FGFBP3: variants seen among roughly 807,000 people sequenced by gnomAD.
FGFBP3 encodes the protein fibroblast growth factor binding protein 3, also known as fibroblast growth factor-binding protein 3.
A neutral mutation model predicts 4.8 loss-of-function variants in FGFBP3; 4 were observed. That is an observed-to-expected ratio of 0.83 (90% CI 0.41 to 1.90). FGFBP3 has a LOEUF of 1.90. Among genes scored for constraint, FGFBP3 ranks in the 40% most tolerant of loss-of-function variants. The pLI is 0.03. For synonymous variants in FGFBP3, 215 were observed against 190.0 expected, an observed-to-expected ratio of 1.13 and a Z score of -1.08; for missense variants, 429 against 397.4, an observed-to-expected ratio of 1.08 and a Z score of -0.68.
rs1843300416 is a variant in FGFBP3, at chr10:91,906,617, GA to G, written c.*1575del. Reference sequence around the variant, plus strand: ...CACACACACATTTATATATATAATGGAAAAACATATATATAGTTGCCCCTCC... The same window carrying G: ...CACACACACATTTATATATATAATGGAAAACATATATATAGTTGCCCCTCC... On this transcript the variant is annotated 3_prime_UTR_variant, in exon 2 of 2. Coordinates refer to ENST00000311575, the MANE Select transcript of FGFBP3 (RefSeq NM_152429.5). The G allele has an allele frequency of 6.6e-6, 1 of 152,048 alleles. No individual in the cohort carries two copies. The highest frequency in any genetic ancestry group is 2.1e-4 in the South Asian group (1 of 4,812). 9.4% of individuals were successfully genotyped at this position (152,048 alleles called of 1,614,324 possible). A position where few individuals can be genotyped will look rare whatever the true frequency, so the allele number is the denominator to read the frequency against.
Position 91,908,781 on chromosome 10 carries a change from G to A in FGFBP3, c.189C>T (p.Leu63=). 7.0e-7 allele frequency: 1 copy of A among 1,422,620 alleles called. No individual in the cohort carries two copies. Among genetic ancestry groups the A allele is most frequent in the Non-Finnish European group, 9.1e-7 (1 of 1,099,276 alleles). The allele number at this position is 1,422,620 out of a possible 1,614,324, so 88.1% of individuals were successfully genotyped here. ...SPEQHACSWQ[L]LLPAPEAAAG... ...CTGCGGCCTCCGGGGCGGGCAGCAG[G>A]AGCTGCCAGCTGCACGCGTGCTGCT... is the stretch of plus-strand genomic sequence containing the variant. The change falls in exon 2 of 2, where the codon CTC becomes CTT. Residue 63 remains leucine (L), a synonymous_variant. Coordinates refer to ENST00000311575, the MANE Select transcript of FGFBP3 (RefSeq NM_152429.5).
rs777058494 is a variant in FGFBP3 at position 91,908,247 on chromosome 10, G to T, written c.723C>A (p.Cys241Ter). The stretch of plus-strand genomic sequence containing the variant: ...TGCAGAGGGAGTGCCACTTCTCAGC[G>T]CAGTAGGTCTCCGTGAGCTCCGCGT... ...DGNAELTETYCAEKWHSLCNF... is the reference protein window; with the variant it reads ...DGNAELTETY Residue 241 changes from cysteine to a stop codon, truncating the protein, a stop_gained, in exon 2 of 2, where the codon TGC (cysteine) becomes TGA (stop). Transcript: ENST00000311575. LOFTEE classifies it high-confidence loss of function. 1.2e-5 allele frequency: 20 copies of T among 1,606,506 alleles called. No homozygotes were observed. The highest frequency in any genetic ancestry group is 2.2e-5 in the South Asian group (2 of 89,826).
rs1254354635 is a variant in FGFBP3 at position 91,908,430 on chromosome 10, C to A, written c.540G>T (p.Ala180=). ...ARNRGRTRER[A]SGPAAGTPPP... is the part of the protein sequence containing the mutation. Reference sequence around the variant, plus strand: ...GCGGGGTCCCAGCGGCTGGGCCGGACGCACGCTCCCGGGTCCGCCCCCGGT... The same window carrying A: ...GCGGGGTCCCAGCGGCTGGGCCGGAAGCACGCTCCCGGGTCCGCCCCCGGT... Residue 180 remains alanine (A), a synonymous_variant, in exon 2 of 2, where the codon GCG becomes GCT. Coordinates refer to ENST00000311575, the MANE Select transcript of FGFBP3 (RefSeq NM_152429.5). 4 of 1,503,040 alleles carry A rather than the reference C, an allele frequency of 2.7e-6. No individual in the cohort carries two copies. The highest frequency in any genetic ancestry group is 3.5e-6 in the Non-Finnish European group (4 of 1,132,624). The allele number at this position is 1,503,040 out of a possible 1,614,324, so 93.1% of individuals were successfully genotyped here.
Position 91,908,688 on chromosome 10 carries a change from C to T in FGFBP3, c.282G>A (p.Gly94=), listed in dbSNP as rs765511010. 7.0e-6 allele frequency: 10 copies of T among 1,420,060 alleles called. No individual in the cohort carries two copies. Among genetic ancestry groups the T allele is most frequent in the African/African-American group, 1.5e-5 (1 of 66,854 alleles). The allele number at this position is 1,420,060 out of a possible 1,614,324, so 88.0% of individuals were successfully genotyped here. Residue 94 remains glycine (G), a synonymous_variant, in exon 2 of 2, where the codon GGG becomes GGA. Transcript: ENST00000311575. ...DGARHQCAYR[G]HPERCAAYAA... ...CGTAGGCTGCGCAGCGCTCCGGATG[C>T]CCGCGGTAGGCGCACTGGTGGCGCG...
Position 91,907,350 on chromosome 10 carries a change from T to TAAAATAAAAAAAAA in FGFBP3, c.*842_*843insTTTTTTTTTATTTT, listed in dbSNP as rs1417320462. On this transcript the variant is annotated 3_prime_UTR_variant, in exon 2 of 2. Coordinates refer to ENST00000311575, the MANE Select transcript of FGFBP3 (RefSeq NM_152429.5). The stretch of plus-strand genomic sequence containing the variant: ...CAAGACCCTGTCTCAAAAATAAAAA[T>TAAAATAAAAAAAAA]AAAGTAGCACTTCTAAGCCAAGTGC... The TAAAATAAAAAAAAA allele has an allele frequency of 6.6e-6, 1 of 151,950 alleles. No individual in the cohort carries two copies. The highest frequency in any genetic ancestry group is 1.5e-5 in the Non-Finnish European group (1 of 67,996). The allele number at this position is 151,950 out of a possible 1,614,324, so 9.4% of individuals were successfully genotyped here. A position where few individuals can be genotyped will look rare whatever the true frequency, so the allele number is the denominator to read the frequency against.
chr10:91,908,682 C>CGGATGCCCGCGGTAGGCGCACT lies in FGFBP3; in HGVS notation c.266_287dup (p.Glu97ValfsTer154), dbSNP rs1843321733. 1.4e-6 allele frequency: 2 copies of CGGATGCCCGCGGTAGGCGCACT among 1,422,574 alleles called. No individual in the cohort carries two copies. Among genetic ancestry groups the CGGATGCCCGCGGTAGGCGCACT allele is most frequent in the South Asian group, 2.9e-5 (2 of 69,056 alleles). The allele number at this position is 1,422,574 out of a possible 1,614,324, so 88.1% of individuals were successfully genotyped here. ...GAGCGGCGTAGGCTGCGCAGCGCTC[C>CGGATGCCCGCGGTAGGCGCACT]GGATGCCCGCGGTAGGCGCACTGGT... On this transcript the variant is annotated frameshift_variant, in exon 2 of 2. Transcript: ENST00000311575. LOFTEE classifies it low-confidence loss of function (END_TRUNC).
chr10:91,908,262 G>T lies in FGFBP3; in HGVS notation c.708C>A (p.Leu236=). 1 of 1,605,878 alleles carries T rather than the reference G, an allele frequency of 6.2e-7. No individual in the cohort carries two copies. ...DPDGLDGNAE[L]TETYCAEKWH... ...ACTTCTCAGCGCAGTAGGTCTCCGT[G>T]AGCTCCGCGTTCCCGTCCAGCCCGT... The change falls in exon 2 of 2, where the codon CTC becomes CTA. Residue 236 remains leucine, a synonymous_variant. Transcript: ENST00000311575.
rs2133710507 is a variant in FGFBP3 at position 91,907,515 on chromosome 10, G to T, written c.*678C>A. 1 of 151,362 alleles carries T rather than the reference G, an allele frequency of 6.6e-6. No individual in the cohort carries two copies. The highest frequency in any genetic ancestry group is 3.4e-3 in the Middle Eastern group (1 of 292). 9.4% of individuals were successfully genotyped at this position (151,362 alleles called of 1,614,324 possible). A position where few individuals can be genotyped will look rare whatever the true frequency, so the allele number is the denominator to read the frequency against. ...TGACTAGCCACCGCACTCCAGCCTG[G>T]GCAAGCCAGACCCTGTCAGGGAAAA... On this transcript the variant is annotated 3_prime_UTR_variant, in exon 2 of 2. Coordinates refer to ENST00000311575, the MANE Select transcript of FGFBP3 (RefSeq NM_152429.5).
chr10:91,908,161 C>T lies in FGFBP3; in HGVS notation c.*32G>A. On this transcript the variant is annotated 3_prime_UTR_variant, in exon 2 of 2. Coordinates refer to ENST00000311575, the MANE Select transcript of FGFBP3 (RefSeq NM_152429.5). ...TTAGCTTTCCCTTCCCCACGCCTCC[C>T]CCATCAACCCTCCCTAAGCCGGCAG... The T allele has an allele frequency of 6.3e-7, 1 of 1,589,072 alleles. No individual in the cohort carries two copies. The highest frequency in any genetic ancestry group is 8.5e-7 in the Non-Finnish European group (1 of 1,169,998).
chr10:91,907,819 C>A lies in FGFBP3; in HGVS notation c.*374G>T. On this transcript the variant is annotated 3_prime_UTR_variant, in exon 2 of 2. Transcript: ENST00000311575. ...GTTAAACAATAAACATTGCATCCCC[C>A]TCCCCACATGGGACTCACATCACTT... The A allele has an allele frequency of 5.1e-6, 1 of 196,986 alleles. No homozygotes were observed. Among genetic ancestry groups the A allele is most frequent in the Non-Finnish European group, 1.0e-5 (1 of 98,682 alleles). 12.2% of individuals were successfully genotyped at this position (196,986 alleles called of 1,614,324 possible).
In FGFBP3 at chr10:91,907,964, A is replaced by T; in HGVS notation, c.*229T>A. ...TGTTTCCATTATTTTTCCTGCTCTT[A>T]ATCAGGACTGAGACTTTTCAAAATT... On this transcript the variant is annotated 3_prime_UTR_variant, in exon 2 of 2. Coordinates refer to ENST00000311575, the MANE Select transcript of FGFBP3 (RefSeq NM_152429.5). 2.0e-6 allele frequency: 1 copy of T among 502,476 alleles called. No individual in the cohort carries two copies. The highest frequency in any genetic ancestry group is 3.4e-6 in the Non-Finnish European group (1 of 293,206). The allele number at this position is 502,476 out of a possible 1,614,324, so 31.1% of individuals were successfully genotyped here.
chr10:91,908,294 C>T lies in FGFBP3; in HGVS notation c.676G>A (p.Asp226Asn), dbSNP rs80269321. 2 of 1,602,916 alleles carry T rather than the reference C, an allele frequency of 1.2e-6. No homozygotes were observed. The highest frequency in any genetic ancestry group is 1.3e-5 in the African/African-American group (1 of 74,118). The change falls in exon 2 of 2, where the codon GAC becomes AAC. Residue 226 changes from aspartate (D) to asparagine (N), a missense_variant. Asp to Asn is a conservative substitution (Grantham distance 23, BLOSUM62 1). Coordinates refer to ENST00000311575, the MANE Select transcript of FGFBP3 (RefSeq NM_152429.5). ...NEERPMGTGP[D>N]PDGLDGNAEL... Reference sequence around the variant, plus strand: ...GCGTTCCCGTCCAGCCCGTCGGGGTCGGGCCCGGTCCCCATGGGTCGCTCC... The same window carrying T: ...GCGTTCCCGTCCAGCCCGTCGGGGTTGGGCCCGGTCCCCATGGGTCGCTCC...
At chr10:91,909,340 A>C in intron 1 of FGFBP3, 58 bp downstream of exon 1, 1 of 251,574 alleles carries the variant, frequency 4.0e-6, no homozygotes, top group East Asian at 1.1e-4. Context: ...TAAACTATCT[A>C]CAAAATCATT....
rs1281027647 is a variant in FGFBP3, at chr10:91,909,000, A to G, written c.-31T>C. 3 of 1,545,440 alleles carry G rather than the reference A, an allele frequency of 1.9e-6. No homozygotes were observed. Among genetic ancestry groups the G allele is most frequent in the East Asian group, 5.2e-5 (2 of 38,446 alleles). On this transcript the variant is annotated 5_prime_UTR_variant, in exon 2 of 2. Coordinates refer to ENST00000311575, the MANE Select transcript of FGFBP3 (RefSeq NM_152429.5). ...GCGGTTTCCGCGCTCCGCTGTTCTC[A>G]GACCACGTTTGTCGGGGCTGGACCA...
At position 91,908,087 on chromosome 10, in the gene FGFBP3, T is replaced by C. The variant is rs575809143; in HGVS notation, c.*106A>G. 1.6e-5 allele frequency: 19 copies of C among 1,214,310 alleles called. No individual in the cohort carries two copies. The East Asian group carries it at 4.5e-4, about 29-fold the overall frequency. The allele number at this position is 1,214,310 out of a possible 1,614,324, so 75.2% of individuals were successfully genotyped here. On this transcript the variant is annotated 3_prime_UTR_variant, in exon 2 of 2. Coordinates refer to ENST00000311575, the MANE Select transcript of FGFBP3 (RefSeq NM_152429.5). Reference sequence around the variant, plus strand: ...TTGCCCCCACCCCCATTCGAGAACCTGGACTTCTCCCCAATCTCTATCACA... The same window carrying C: ...TTGCCCCCACCCCCATTCGAGAACCCGGACTTCTCCCCAATCTCTATCACA...
chr10:91,908,092 T>A lies in FGFBP3; in HGVS notation c.*101A>T. 7.6e-7 allele frequency: 1 copy of A among 1,310,612 alleles called. No individual in the cohort carries two copies. The highest frequency in any genetic ancestry group is 1.0e-6 in the Non-Finnish European group (1 of 988,012). The allele number at this position is 1,310,612 out of a possible 1,614,324, so 81.2% of individuals were successfully genotyped here. A position where few individuals can be genotyped will look rare whatever the true frequency, so the allele number is the denominator to read the frequency against. ...CCCACCCCCATTCGAGAACCTGGAC[T>A]TCTCCCCAATCTCTATCACAGTACC... On this transcript the variant is annotated 3_prime_UTR_variant, in exon 2 of 2. Transcript: ENST00000311575.
chr10:91,906,851 T>G lies in FGFBP3; in HGVS notation c.*1342A>C, dbSNP rs2133710150. The G allele has an allele frequency of 6.6e-6, 1 of 152,330 alleles. No homozygotes were observed. Among genetic ancestry groups the G allele is most frequent in the East Asian group, 1.9e-4 (1 of 5,190 alleles). 9.4% of individuals were successfully genotyped at this position (152,330 alleles called of 1,614,324 possible). A position where few individuals can be genotyped will look rare whatever the true frequency, so the allele number is the denominator to read the frequency against. ...ATGTGTTTAAGAACTTAATTCAAGGTGTACTTGGAAGTAGATCAAATGCAG... is the reference window on the plus strand; with the variant it reads ...ATGTGTTTAAGAACTTAATTCAAGGGGTACTTGGAAGTAGATCAAATGCAG... On this transcript the variant is annotated 3_prime_UTR_variant, in exon 2 of 2. Coordinates refer to ENST00000311575, the MANE Select transcript of FGFBP3 (RefSeq NM_152429.5).
At position 91,908,739 on chromosome 10, in the gene FGFBP3, C is replaced by T. The variant is rs1159830205; in HGVS notation, c.231G>A (p.Ala77=). 7.2e-7 allele frequency: 1 copy of T among 1,381,828 alleles called. No homozygotes were observed. The highest frequency in any genetic ancestry group is 9.3e-7 in the Non-Finnish European group (1 of 1,079,186). 85.6% of individuals were successfully genotyped at this position (1,381,828 alleles called of 1,614,324 possible). A position where few individuals can be genotyped will look rare whatever the true frequency, so the allele number is the denominator to read the frequency against. ...CCCCGTCCGGGCTCTGGCAGCGCAGCGCCAGCTCGCTGCCCGCTGCGGCCT... is the reference window on the plus strand; with the variant it reads ...CCCCGTCCGGGCTCTGGCAGCGCAGTGCCAGCTCGCTGCCCGCTGCGGCCT... ...APEAAAGSEL[A]LRCQSPDGAR... is the part of the protein sequence containing the mutation. Residue 77 remains alanine, a synonymous_variant, in exon 2 of 2, where the codon GCG becomes GCA. Coordinates refer to ENST00000311575, the MANE Select transcript of FGFBP3 (RefSeq NM_152429.5).
Position 91,908,687 on chromosome 10 carries a change from G to A in FGFBP3, c.283C>T (p.His95Tyr), listed in dbSNP as rs1463229232. ...GARHQCAYRG[H>Y]PERCAAYAAR... is the part of the protein sequence containing the mutation. ...GCGTAGGCTGCGCAGCGCTCCGGAT[G>A]CCCGCGGTAGGCGCACTGGTGGCGC... The change falls in exon 2 of 2, where the codon CAT becomes TAT. Residue 95 changes from histidine (H) to tyrosine (Y), a missense_variant. Physicochemically the swap from His to Tyr is moderately conservative, Grantham distance 83. Coordinates refer to ENST00000311575, the MANE Select transcript of FGFBP3 (RefSeq NM_152429.5). 2.8e-6 allele frequency: 4 copies of A among 1,420,210 alleles called. No homozygotes were observed. Among genetic ancestry groups the A allele is most frequent in the Non-Finnish European group, 3.7e-6 (4 of 1,090,444 alleles). 88.0% of individuals were successfully genotyped at this position (1,420,210 alleles called of 1,614,324 possible). A position where few individuals can be genotyped will look rare whatever the true frequency, so the allele number is the denominator to read the frequency against.
Sources: gnomAD v4.1 joint callset for allele counts on GRCh38, gnomAD v4.1.1 for gene constraint, MANE v1.5 for transcripts, NCBI Gene and HGNC (gene_info 2026-07-23, HGNC 2026-07-21) for gene names.